Variants in CDH13 observed in about 807,000 individuals in gnomAD.
CDH13 encodes cadherin 13, also known as cadherin-13.
In CDH13, 24 loss-of-function variants were observed where a neutral mutation model predicts 63.8. That is an observed-to-expected ratio of 0.38 (90% CI 0.27 to 0.53). CDH13 has a LOEUF of 0.53. Ranked by LOEUF, CDH13 falls within the 20% of genes least tolerant of loss-of-function variation. The probability of loss-of-function intolerance (pLI) is 0.85; values close to 1 mark genes in which losing one functional copy is unlikely to be tolerated. For missense variants in CDH13, 1,049 were observed against 903.1 expected, an observed-to-expected ratio of 1.16 and a Z score of -2.07; for synonymous variants, 503 against 355.3, an observed-to-expected ratio of 1.42 and a Z score of -4.67.
chr16:82,850,154 G>A (rs2039423958), intron 1 of CDH13, among the ~76,000 whole-genome samples: 2 of 152,306 alleles, frequency 1.3e-5, no homozygotes, highest in East Asian at 1.9e-4. Context: ...GATGGATCAG[G>A]ACAAAATGAG....
intron 6 of CDH13, among the ~76,000 whole-genome samples, chr16:83,399,427 T>A (rs2091934426): frequency 6.6e-6 from 1 of 152,212 alleles, no homozygotes; most frequent in Admixed American, 6.5e-5. Flanking sequence ...CAAAGTGTAT[T>A]TGCTTACTGC....
At chr16:82,880,443 C>G (rs1180939265) in intron 2 of CDH13, among the ~76,000 whole-genome samples, 3 of 152,174 alleles carry the variant, frequency 2.0e-5, no homozygotes, top group Non-Finnish European at 4.4e-5. Flanking sequence ...CTAATTCATA[C>G]TGAGCACATA....
intron 5 of CDH13, among the ~76,000 whole-genome samples, chr16:83,217,964 A>T (rs2039589983): frequency 6.6e-6 from 1 of 152,242 alleles, no homozygotes; most frequent in African/African-American, 2.4e-5. Flanking sequence ...AGCCATTTAA[A>T]ATGCTTCTGA....
At chr16:83,266,396 G>T (rs1199227938) in intron 5 of CDH13, among the ~76,000 whole-genome samples, 3 of 152,182 alleles carry the variant, frequency 2.0e-5, no homozygotes, top group African/African-American at 7.2e-5. Context: ...CCCTAAGAAG[G>T]GGGAAATGTT....
At chr16:82,976,238 G>T (rs146099856) in intron 2 of CDH13, among the ~76,000 whole-genome samples, 2,784 of 152,270 alleles carry the variant, frequency 0.018, 33 homozygotes, top group Non-Finnish European at 0.028. Flanking sequence ...AAGGGCTGGG[G>T]CTCTGAAGAA....
At chr16:82,816,606 A>G (rs1302826476) in intron 1 of CDH13, among the ~76,000 whole-genome samples, 3 of 152,074 alleles carry the variant, frequency 2.0e-5, no homozygotes, top group Non-Finnish European at 4.4e-5. Flanking sequence ...TCCTATAAAA[A>G]TCCTGAGAAT....
chr16:83,133,350 G>A (rs1434047587), intron 4 of CDH13, among the ~76,000 whole-genome samples: 1 of 152,034 alleles, frequency 6.6e-6, no homozygotes. Context: ...TCTTTGTATT[G>A]ATTTCATTTG....
At chr16:83,260,106 A>ACACG (rs1257432110) in intron 5 of CDH13, among the ~76,000 whole-genome samples, 1 of 133,252 alleles carries the variant, frequency 7.5e-6, no homozygotes, top group Non-Finnish European at 1.6e-5. Context: ...ATACACACAC[A>ACACG]CACACACACA....
intron 2 of CDH13, among the ~76,000 whole-genome samples, chr16:82,923,294 C>T (rs1400158530): frequency 2.6e-5 from 4 of 152,180 alleles, no homozygotes; most frequent in Non-Finnish European, 4.4e-5. Flanking sequence ...ACATTTGTTC[C>T]ATGAGTGAAG....
At position 83,232,531 on chromosome 16, in the gene CDH13, G is replaced by GACA. The variant is rs1198571705; in HGVS notation, c.636+15048_636+15050dup. On this transcript the variant is annotated intron_variant, in intron 5 of 13. Coordinates refer to ENST00000567109, the MANE Select transcript of CDH13 (RefSeq NM_001257.5). ...ACAGCAGGACTCTGTCTCAAAAAACGACAACAACAACAACAAACAAACAAA... is the reference window on the plus strand; with the variant it reads ...ACAGCAGGACTCTGTCTCAAAAAACGACAACAACAACAACAACAAACAAACAAA... 2.7e-3 allele frequency among the ~76,000 whole-genome samples: 361 copies of GACA among 133,060 alleles called. 1 individual carries two copies. Among genetic ancestry groups the GACA allele is most frequent in the African/African-American group, 0.011 (336 of 29,300 alleles). 87.3% of individuals were successfully genotyped at this position (133,060 alleles called of 152,430 possible). A position where few individuals can be genotyped will look rare whatever the true frequency, so the allele number is the denominator to read the frequency against.
At chr16:83,199,542 C>T (rs1446146989) in intron 4 of CDH13, among the ~76,000 whole-genome samples, 1 of 152,220 alleles carries the variant, frequency 6.6e-6, no homozygotes, top group Non-Finnish European at 1.5e-5. Context: ...GTAAAATGCA[C>T]ACGTAGCTTT....
At chr16:83,626,001 A>G (rs1910260904) in intron 8 of CDH13, among the ~76,000 whole-genome samples, 1 of 150,056 alleles carries the variant, frequency 6.7e-6, no homozygotes, top group Admixed American at 6.6e-5. Flanking sequence ...GTGAGGAAAC[A>G]AGCTTGCTTC....
intron 1 of CDH13, chr16:82,719,249 C>T (rs966015501): frequency 2.6e-6 from 1 of 382,046 alleles, no homozygotes; most frequent in East Asian, 7.8e-5. Context: ...ACATCACTGC[C>T]ATTGGCCTGT....
intron 6 of CDH13, among the ~76,000 whole-genome samples, chr16:83,427,071 C>T (rs536697525): frequency 7.9e-5 from 12 of 151,546 alleles, no homozygotes; most frequent in East Asian, 2.0e-4. Flanking sequence ...GTACTACAGG[C>T]GCCCGCCACC....
intron 4 of CDH13, chr16:83,171,670 A>G (rs1439645513): frequency 4.2e-6 from 4 of 954,890 alleles, no homozygotes; most frequent in Non-Finnish European, 6.5e-6. Flanking sequence ...TGACACTGCA[A>G]ATAGCATGCT....
intron 10 of CDH13, among the ~76,000 whole-genome samples, chr16:83,690,426 G>T (rs1334554558): frequency 6.6e-6 from 1 of 152,182 alleles, no homozygotes; most frequent in Admixed American, 6.5e-5. Flanking sequence ...CGGGTGGAGA[G>T]GTCCAGGTAG....
intron 2 of CDH13, among the ~76,000 whole-genome samples, chr16:82,988,988 C>A (rs1030721941): frequency 2.0e-5 from 3 of 152,016 alleles, no homozygotes; most frequent in Admixed American, 2.0e-4. Context: ...TAAGTGAGCC[C>A]TCTGGATATT....
chr16:83,049,599 T>G (rs2030060819), intron 3 of CDH13, among the ~76,000 whole-genome samples: 1 of 151,998 alleles, frequency 6.6e-6, no homozygotes. Context: ...CCTCCCAGAG[T>G]GCTGGGATTA....
intron 2 of CDH13, among the ~76,000 whole-genome samples, chr16:82,882,118 A>G (rs1198303796): frequency 6.6e-6 from 1 of 152,204 alleles, no homozygotes; most frequent in African/African-American, 2.4e-5. Flanking sequence ...AATAAATATC[A>G]GGAATTTTTA....
Sources: allele counts gnomAD v4.1 joint callset (sites outside exome capture counted in the v4.1 genomes callset), GRCh38; gene constraint gnomAD v4.1.1; transcripts MANE v1.5; gene names NCBI Gene and HGNC (gene_info 2026-07-23, HGNC 2026-07-21).